TUSC3: variants seen among roughly 807,000 people sequenced by gnomAD.
TUSC3 encodes dolichyl-diphosphooligosaccharide--protein glycosyltransferase subunit TUSC3.
Under a neutral mutation model 44.8 loss-of-function variants are expected in TUSC3, and 45 were observed. The observed-to-expected ratio is 1.00, with a 90% CI of 0.79 to 1.29. The LOEUF is 1.29. TUSC3 is among the 50% of genes most tolerant of loss of function. TUSC3 has a pLI of 0.00. For synonymous variants in TUSC3, 212 were observed against 152.9 expected (o/e 1.39, Z -2.85); for missense variants, 519 against 437.9 (o/e 1.19, Z -1.65).
chr8:15,426,730 C>A (rs771079491), intron 1 of TUSC3, among the ~76,000 whole-genome samples: 10 of 152,174 alleles, frequency 6.6e-5, no homozygotes, highest in Admixed American at 1.3e-4. Context: ...GATTTTAATT[C>A]TTTTGGACAT....
chr8:15,492,649 G>GTTCTTTTTAT (rs1289402230), intron 2 of TUSC3, among the ~76,000 whole-genome samples: 50 of 152,080 alleles, frequency 3.3e-4, no homozygotes, highest in Non-Finnish European at 5.6e-4. Flanking sequence ...AAAATGTCAC[G>GTTCTTTTTAT]TAACAGGCTG....
chr8:15,730,911 A>C (rs1484776432), intron 7 of TUSC3, among the ~76,000 whole-genome samples, 182 bp downstream of exon 7: 1 of 151,970 alleles, frequency 6.6e-6, no homozygotes, highest in African/African-American at 2.4e-5. Context: ...ATTTGTTGCT[A>C]TTCCGTATCA....
chr8:15,446,855 A>T (rs535059909), intron 1 of TUSC3, among the ~76,000 whole-genome samples: 1 of 151,670 alleles, frequency 6.6e-6, no homozygotes, highest in African/African-American at 2.4e-5. Context: ...TGTGGAGAGA[A>T]AAAAAATGGA....
At chr8:15,474,117 T>G (rs879552943) in intron 1 of TUSC3, among the ~76,000 whole-genome samples, 1 of 152,178 alleles carries the variant, frequency 6.6e-6, no homozygotes, top group Non-Finnish European at 1.5e-5. Flanking sequence ...TCTTCCCTAC[T>G]TACACGTCCA....
At chr8:15,728,756 C>T (rs1810598265) in intron 6 of TUSC3, among the ~76,000 whole-genome samples, 1 of 152,046 alleles carries the variant, frequency 6.6e-6, no homozygotes. Context: ...CCTGGGAAGG[C>T]TGAGTAGAGA....
intron 1 of TUSC3, among the ~76,000 whole-genome samples, chr8:15,553,046 T>C (rs1469175947): frequency 2.0e-5 from 3 of 151,774 alleles, no homozygotes; most frequent in Non-Finnish European, 2.9e-5. Context: ...ACTACATTTC[T>C]TGATAAAAGG....
chr8:15,730,623 G>C (rs1473883288), intron 6 of TUSC3, 43 bp from the exon 7 acceptor site: 2 of 1,586,572 alleles, frequency 1.3e-6, no homozygotes, highest in Non-Finnish European at 1.7e-6. Flanking sequence ...AAATAATTAT[G>C]AGGCTTTCTC....
intron 1 of TUSC3, among the ~76,000 whole-genome samples, chr8:15,479,518 C>A (rs1440066164): frequency 6.6e-6 from 1 of 152,148 alleles, no homozygotes; most frequent in Non-Finnish European, 1.5e-5. Flanking sequence ...CCAGTTTTCA[C>A]AGCACCATAT....
At chr8:15,657,051 C>T (rs963027659) in intron 3 of TUSC3, among the ~76,000 whole-genome samples, 1 of 152,094 alleles carries the variant, frequency 6.6e-6, no homozygotes, top group East Asian at 1.9e-4. Context: ...CCATAGATAC[C>T]CCAGGTTTTC....
At chr8:15,479,970 A>C (rs1177430230) in intron 1 of TUSC3, among the ~76,000 whole-genome samples, 4 of 152,214 alleles carry the variant, frequency 2.6e-5, no homozygotes, top group Non-Finnish European at 5.9e-5. Context: ...ATACAAAATC[A>C]GTGCCCAGAA....
chr8:15,435,535 A>G (rs1230723349), intron 1 of TUSC3, among the ~76,000 whole-genome samples: 7 of 152,202 alleles, frequency 4.6e-5, no homozygotes, highest in Non-Finnish European at 7.3e-5. Flanking sequence ...AAATACTAAT[A>G]TAGAAGTACT....
chr8:15,713,568 T>C (rs1369962441), intron 6 of TUSC3, among the ~76,000 whole-genome samples: 1 of 152,106 alleles, frequency 6.6e-6, no homozygotes, highest in East Asian at 1.9e-4. Context: ...TGCTCAGGAT[T>C]ACGAAGCCTA....
intron 1 of TUSC3, among the ~76,000 whole-genome samples, chr8:15,616,104 G>C (rs1262770416): frequency 1.3e-5 from 2 of 152,198 alleles, no homozygotes; most frequent in Admixed American, 1.3e-4. Context: ...TATAATAAAA[G>C]TAGATAATTT....
chr8:15,763,168 C>T (rs1229323485), intron 10 of TUSC3, among the ~76,000 whole-genome samples: 1 of 151,580 alleles, frequency 6.6e-6, no homozygotes, highest in Non-Finnish European at 1.5e-5. Context: ...TAAAATGTTA[C>T]ATTTTAAAAT....
Position 15,738,916 on chromosome 8 carries a change from T to G in TUSC3, c.863-4622T>G, listed in dbSNP as rs574089075. On this transcript the variant is annotated intron_variant, in intron 7 of 10. Coordinates refer to ENST00000503731, the MANE Select transcript of TUSC3 (RefSeq NM_006765.4). ...GGTGCAATCTCGGCTCACTGCAACC[T>G]CTGCCTCCCAAGTTCAAGCAACTCC... Among the ~76,000 whole-genome samples, 13 of 137,696 alleles carry G rather than the reference T, an allele frequency of 9.4e-5. 2 individuals carry two copies. In the South Asian group the frequency reaches 3.4e-3, roughly 36 times the overall value. The allele number at this position is 137,696 out of a possible 152,430, so 90.3% of individuals were successfully genotyped here.
chr8:15,728,453 A>AGAGGGAGG (rs137911279), intron 6 of TUSC3, among the ~76,000 whole-genome samples: 2 of 125,938 alleles, frequency 1.6e-5, no homozygotes, highest in East Asian at 2.8e-4. Context: ...GGATGTGTGG[A>AGAGGGAGG]GAGGGAGGGA....
intron 3 of TUSC3, among the ~76,000 whole-genome samples, chr8:15,657,836 G>C (rs910658524): frequency 6.6e-6 from 1 of 152,154 alleles, no homozygotes. Context: ...GACTGGATAA[G>C]TATAATGAAC....
chr8:15,728,975 G>T (rs1383745702), intron 6 of TUSC3, among the ~76,000 whole-genome samples: 1 of 152,124 alleles, frequency 6.6e-6, no homozygotes, highest in African/African-American at 2.4e-5. Flanking sequence ...GGAACATTGA[G>T]ATATGACCAT....
rs149864858 is a variant in TUSC3 at position 15,731,173 on chromosome 8, T to A, written c.862+444T>A. ...GTTCAACATGCCTTTTTGGAACATA[T>A]CAGAGTGAGTCAGACTAAGTGTTGT... On this transcript the variant is annotated intron_variant, in intron 7 of 10. Coordinates refer to ENST00000503731, the MANE Select transcript of TUSC3 (RefSeq NM_006765.4). Among the ~76,000 whole-genome samples the A allele has an allele frequency of 2.2e-3, 342 of 152,198 alleles. 2 individuals are homozygous for A. Among genetic ancestry groups the A allele is most frequent in the African/African-American group, 7.9e-3 (328 of 41,546 alleles).
Sources: allele counts gnomAD v4.1 joint callset (sites outside exome capture counted in the v4.1 genomes callset), GRCh38; gene constraint gnomAD v4.1.1; transcripts MANE v1.5; gene names NCBI Gene and HGNC (gene_info 2026-07-23, HGNC 2026-07-21).